The following ZC3H12B variants were observed in gnomAD, a reference collection of about 807,000 sequenced individuals.
ZC3H12B encodes the protein zinc finger CCCH-type containing 12B, also known as probable ribonuclease ZC3H12B.
Under a neutral mutation model 43.9 loss-of-function variants are expected in ZC3H12B, and 7 were observed. That is an observed-to-expected ratio of 0.16 (90% confidence interval 0.09 to 0.30). ZC3H12B has a LOEUF of 0.30. Among genes scored for constraint, ZC3H12B ranks in the 10% least tolerant of loss-of-function variants. ZC3H12B has a pLI of 1.00. For synonymous variants in ZC3H12B, 222 were observed against 241.7 expected (o/e 0.92, Z 0.76); for missense variants, 475 against 670.2 (o/e 0.71, Z 3.22).
chrX:65,278,330 G>C, the ZC3H12B span, among the ~76,000 whole-genome samples: 1 of 111,246 alleles, frequency 9.0e-6, no homozygotes, highest in African/African-American at 3.3e-5. Flanking sequence ...GCAACATCAA[G>C]AAGTTACCCT....
chrX:65,155,042 G>A, the ZC3H12B span, among the ~76,000 whole-genome samples: 17 of 107,088 alleles, frequency 1.6e-4, no homozygotes, highest in Admixed American at 1.4e-3. Context: ...TGAAACATCT[G>A]CCTCCTAAGC....
At chrX:65,066,281 A>G in the ZC3H12B span, among the ~76,000 whole-genome samples, 1 of 111,351 alleles carries the variant, frequency 9.0e-6, no homozygotes, top group African/African-American at 3.3e-5. Context: ...TCATGGATTT[A>G]TCTACCTTTG....
chrX:65,119,002 G>A, the ZC3H12B span, among the ~76,000 whole-genome samples: 1 of 110,826 alleles, frequency 9.0e-6, no homozygotes, highest in Non-Finnish European at 1.9e-5. Context: ...GGGCTGCATA[G>A]TATTCCATGG....
the ZC3H12B span, among the ~76,000 whole-genome samples, chrX:65,356,678 AAATGAAAGT>A: frequency 0.012 from 1,302 of 112,160 alleles, 11 homozygotes; most frequent in Non-Finnish European, 0.019. Context: ...AAAAGCTATA[AAATGAAAGT>A]AATGAAAGTA....
chrX:65,487,649 C>T (rs914452171), upstream of ZC3H12B, among the ~76,000 whole-genome samples: 1 of 111,885 alleles, frequency 8.9e-6, no homozygotes, highest in African/African-American at 3.2e-5. Flanking sequence ...TGATTTTATC[C>T]TTTTCTCCTT....
chrX:65,335,717 T>A, the ZC3H12B span, among the ~76,000 whole-genome samples: 7 of 111,880 alleles, frequency 6.3e-5, no homozygotes, highest in Admixed American at 1.9e-4. Flanking sequence ...CAGCTTTCAT[T>A]GCTCTTCCGA....
chrX:65,181,347 A>T, the ZC3H12B span, among the ~76,000 whole-genome samples: 2 of 111,887 alleles, frequency 1.8e-5, no homozygotes, highest in African/African-American at 6.5e-5. Context: ...AGAATGTGCA[A>T]AGACTTCATG....
At chrX:65,498,683 C>T (rs192599518) in intron 2 of ZC3H12B, among the ~76,000 whole-genome samples, 2 of 112,178 alleles carry the variant, frequency 1.8e-5, no homozygotes, top group Admixed American at 1.9e-4. Flanking sequence ...GTGCTTTGGC[C>T]AAAGGGCAAA....
the ZC3H12B span, among the ~76,000 whole-genome samples, chrX:65,137,650 T>A: frequency 2.7e-5 from 3 of 112,332 alleles, no homozygotes; most frequent in African/African-American, 9.7e-5. Flanking sequence ...TTGAACTAGA[T>A]TTGTGACATT....
chrX:65,498,295 G>A (rs1020695478), intron 2 of ZC3H12B, among the ~76,000 whole-genome samples: 2 of 111,844 alleles, frequency 1.8e-5, no homozygotes, highest in Non-Finnish European at 3.8e-5. Context: ...AACGGCAGAG[G>A]GGTCTCTACA....
At chrX:65,420,427 T>C (rs955949672) in intron 3 of ZC3H12B, among the ~76,000 whole-genome samples, 3 of 112,333 alleles carry the variant, frequency 2.7e-5, no homozygotes, top group African/African-American at 9.7e-5. Flanking sequence ...ACCTACCAGA[T>C]AGTCCACCCA....
the ZC3H12B span, among the ~76,000 whole-genome samples, chrX:65,213,057 C>T: frequency 9.2e-6 from 1 of 108,156 alleles, no homozygotes; most frequent in South Asian, 3.9e-4. Flanking sequence ...TCTTCTCCAC[C>T]TCCCCATATT....
At chrX:65,239,743 A>C in the ZC3H12B span, among the ~76,000 whole-genome samples, 1 of 111,517 alleles carries the variant, frequency 9.0e-6, no homozygotes, top group Non-Finnish European at 1.9e-5. Flanking sequence ...TTAGTGTTTT[A>C]TTTGGCACCC....
chrX:65,120,377 G>T, the ZC3H12B span, among the ~76,000 whole-genome samples: 2 of 111,318 alleles, frequency 1.8e-5, no homozygotes, highest in South Asian at 7.5e-4. Flanking sequence ...CTTGTAAGTT[G>T]GATTCCTAGG....
the ZC3H12B span, among the ~76,000 whole-genome samples, chrX:65,359,157 G>GAA: frequency 9.6e-6 from 1 of 104,450 alleles, no homozygotes; most frequent in Non-Finnish European, 2.0e-5. Flanking sequence ...GACTGCCTCA[G>GAA]AAAAAAAAAA....
At chrX:65,202,270 C>T in the ZC3H12B span, among the ~76,000 whole-genome samples, 2 of 97,479 alleles carry the variant, frequency 2.1e-5, no homozygotes, top group Admixed American at 1.2e-4. Context: ...CTTTTTATCC[C>T]GGATAGTCTT....
At chrX:65,254,143 C>G in the ZC3H12B span, among the ~76,000 whole-genome samples, 4 of 112,399 alleles carry the variant, frequency 3.6e-5, no homozygotes, top group African/African-American at 1.3e-4. Flanking sequence ...CACTCCACCC[C>G]CCCACTGCCA....
intron 2 of ZC3H12B, among the ~76,000 whole-genome samples, chrX:65,397,709 A>G (rs934017612): frequency 8.9e-6 from 1 of 111,880 alleles, no homozygotes; most frequent in Admixed American, 9.5e-5. Flanking sequence ...CCTTTCTTCT[A>G]AGATCAGGAA....
the ZC3H12B span, among the ~76,000 whole-genome samples, chrX:65,052,847 G>A: frequency 4.5e-5 from 5 of 111,316 alleles, no homozygotes; most frequent in Admixed American, 9.5e-5. Flanking sequence ...GTTTTTTAAG[G>A]AACCTCCACA....
Sources: allele counts gnomAD v4.1 joint callset (sites outside exome capture counted in the v4.1 genomes callset), GRCh38; gene constraint gnomAD v4.1.1; transcripts MANE v1.5; gene names NCBI Gene and HGNC (gene_info 2026-07-23, HGNC 2026-07-21).